Variants in SESTD1 observed in about 807,000 individuals in gnomAD.
SESTD1 encodes SEC14 domain and spectrin repeat-containing protein 1.
Under a neutral mutation model 101.7 loss-of-function variants are expected in SESTD1, and 43 were observed. The observed-to-expected ratio is 0.42, with a 90% CI of 0.33 to 0.55. SESTD1 has a LOEUF of 0.55. Among genes scored for constraint, SESTD1 ranks in the 20% least tolerant of loss-of-function variants. The pLI is 0.07. For synonymous variants in SESTD1, 283 were observed against 286.8 expected, an observed-to-expected ratio of 0.99 and a Z score of 0.13; for missense variants, 647 against 815.1, an observed-to-expected ratio of 0.79 and a Z score of 2.51.
chr2:179,233,760 T>C (rs1252681043), intron 1 of SESTD1, among the ~76,000 whole-genome samples: 1 of 152,212 alleles, frequency 6.6e-6, no homozygotes, highest in Non-Finnish European at 1.5e-5. Context: ...ATCGTATTCA[T>C]AGTTTTTATA....
At chr2:179,119,225 G>A (rs1217174811) in intron 13 of SESTD1, among the ~76,000 whole-genome samples, 1 of 152,204 alleles carries the variant, frequency 6.6e-6, no homozygotes, top group Non-Finnish European at 1.5e-5. Flanking sequence ...GCCAGAGGCA[G>A]ATAAGAGTTT....
intron 3 of SESTD1, among the ~76,000 whole-genome samples, chr2:179,180,317 A>G (rs1046196001): frequency 6.6e-6 from 1 of 152,184 alleles, no homozygotes; most frequent in East Asian, 1.9e-4. Context: ...TCAAAACGTT[A>G]AGATAGTCAT....
chr2:179,221,986 A>G (rs1167022384), intron 1 of SESTD1, among the ~76,000 whole-genome samples: 1 of 152,196 alleles, frequency 6.6e-6, no homozygotes, highest in Non-Finnish European at 1.5e-5. Context: ...TACTGAAACA[A>G]TAGAACATTC....
chr2:179,105,030 C>G lies in SESTD1; in HGVS notation c.*4869G>C, dbSNP rs1483983074. On this transcript the variant is annotated 3_prime_UTR_variant, in exon 18 of 18. Transcript: ENST00000428443. ...TCTTAAAGACTCCCCTGTATTTATG[C>G]CAGCTCACGGAGTGTCCTTAGTTCT... The G allele has an allele frequency of 6.6e-6, 1 of 152,108 alleles. No homozygotes were observed. Among genetic ancestry groups the G allele is most frequent in the African/African-American group, 2.4e-5 (1 of 41,416 alleles). The allele number at this position is 152,108 out of a possible 1,614,324, so 9.4% of individuals were successfully genotyped here.
At chr2:179,235,926 A>G (rs2047059637) in intron 1 of SESTD1, among the ~76,000 whole-genome samples, 1 of 151,992 alleles carries the variant, frequency 6.6e-6, no homozygotes, top group African/African-American at 2.4e-5. Context: ...CATTACTACA[A>G]TCCTTTGTCC....
chr2:179,165,911 C>A (rs183639004), intron 5 of SESTD1, among the ~76,000 whole-genome samples: 3 of 151,658 alleles, frequency 2.0e-5, no homozygotes, highest in Admixed American at 1.3e-4. Context: ...TAACAATGAC[C>A]AAAAAAAATG....
chr2:179,225,919 T>C (rs1248949057), intron 1 of SESTD1, among the ~76,000 whole-genome samples: 1 of 152,168 alleles, frequency 6.6e-6, no homozygotes, highest in Non-Finnish European at 1.5e-5. Flanking sequence ...ATTCAGACCA[T>C]ACCATTAAGA....
chr2:179,197,278 G>C (rs1450688909), intron 1 of SESTD1, among the ~76,000 whole-genome samples: 2 of 152,074 alleles, frequency 1.3e-5, no homozygotes, highest in African/African-American at 4.8e-5. Context: ...AAAAACAAAT[G>C]AGCAAAGCCT....
intron 1 of SESTD1, among the ~76,000 whole-genome samples, chr2:179,196,902 T>TCTC (rs922409489): frequency 6.6e-6 from 1 of 152,070 alleles, no homozygotes; most frequent in African/African-American, 2.4e-5. Flanking sequence ...GCAGAGCGCC[T>TCTC]CTCCTCCTCC....
At chr2:179,135,246 AACTG>A (rs1289288625) in intron 9 of SESTD1, among the ~76,000 whole-genome samples, 32 of 152,126 alleles carry the variant, frequency 2.1e-4, no homozygotes, top group Admixed American at 1.6e-3. Context: ...CCCCGGCCCA[AACTG>A]ACTATTGTTT....
chr2:179,196,569 T>A lies in SESTD1; in HGVS notation c.-25-4703A>T, dbSNP rs1456595905. ...ACTTAAATGTCCCTGTCTGACAGCT[T>A]TGAAGACAGCAGTGGTTCTCCCAGC... On this transcript the variant is annotated intron_variant, in intron 1 of 17. Transcript: ENST00000428443. 2.0e-5 allele frequency among the ~76,000 whole-genome samples: 3 copies of A among 152,230 alleles called. No individual in the cohort carries two copies. In the East Asian group the frequency reaches 5.8e-4, roughly 29 times the overall value.
At chr2:179,202,525 A>T (rs2046533822) in intron 1 of SESTD1, among the ~76,000 whole-genome samples, 1 of 134,742 alleles carries the variant, frequency 7.4e-6, no homozygotes, top group Non-Finnish European at 1.6e-5. Flanking sequence ...TGTTCCTAAG[A>T]GTCATGTACT....
intron 1 of SESTD1, among the ~76,000 whole-genome samples, chr2:179,262,521 T>A (rs1001557242): frequency 6.6e-6 from 1 of 152,180 alleles, no homozygotes; most frequent in East Asian, 1.9e-4. Context: ...AAGAGGTTGC[T>A]CATGTTGCTT....
At chr2:179,177,177 T>C (rs969760368) in intron 3 of SESTD1, among the ~76,000 whole-genome samples, 2 of 152,166 alleles carry the variant, frequency 1.3e-5, no homozygotes, top group African/African-American at 4.8e-5. Flanking sequence ...CTGTATTACA[T>C]TGAGTGATTT....
intron 2 of SESTD1, among the ~76,000 whole-genome samples, chr2:179,185,682 T>TATATACAATATAGTATATTATATACA (rs1436470058): frequency 3.7e-5 from 4 of 107,842 alleles, no homozygotes; most frequent in South Asian, 2.7e-4. Context: ...TATAGCATAT[T>TATATACAATATAGTATATTATATACA]ATATATAATA....
chr2:179,113,614 T>C (rs2044561107), intron 16 of SESTD1, among the ~76,000 whole-genome samples: 1 of 152,212 alleles, frequency 6.6e-6, no homozygotes, highest in Admixed American at 6.5e-5. Context: ...TGAACGGACA[T>C]TTTTGTATTT....
Position 179,102,376 on chromosome 2 carries a change from C to T in SESTD1, c.*7523G>A, listed in dbSNP as rs573553638. 1.8e-4 allele frequency: 27 copies of T among 152,054 alleles called. No homozygotes were observed. Among genetic ancestry groups the T allele is most frequent in the African/African-American group, 6.5e-4 (27 of 41,388 alleles). The allele number at this position is 152,054 out of a possible 1,614,324, so 9.4% of individuals were successfully genotyped here. On this transcript the variant is annotated 3_prime_UTR_variant, in exon 18 of 18. Coordinates refer to ENST00000428443, the MANE Select transcript of SESTD1 (RefSeq NM_178123.5). Reference sequence around the variant, plus strand: ...AATAACTCAAATTGATTCAAAGATGCAGAATTCATCAGATTATCTTATAGA... The same window carrying T: ...AATAACTCAAATTGATTCAAAGATGTAGAATTCATCAGATTATCTTATAGA...
chr2:179,221,128 T>C (rs1412367373), intron 1 of SESTD1, among the ~76,000 whole-genome samples: 1 of 152,176 alleles, frequency 6.6e-6, no homozygotes. Flanking sequence ...AATGTAAATA[T>C]TTGGTATGTA....
chr2:179,186,329 C>T (rs1213694723), intron 2 of SESTD1, among the ~76,000 whole-genome samples: 5 of 152,076 alleles, frequency 3.3e-5, no homozygotes, highest in Non-Finnish European at 7.4e-5. Flanking sequence ...CATGCTCCCA[C>T]TCATAGCTTC....
Sources: allele counts gnomAD v4.1 joint callset (sites outside exome capture counted in the v4.1 genomes callset), GRCh38; gene constraint gnomAD v4.1.1; transcripts MANE v1.5; gene names NCBI Gene and HGNC (gene_info 2026-07-23, HGNC 2026-07-21).